Variants in ANKS1B observed in about 807,000 individuals in gnomAD.
The protein encoded by ANKS1B is ankyrin repeat and sterile alpha motif domain-containing protein 1B.
Under a neutral mutation model 148.3 loss-of-function variants are expected in ANKS1B, and 36 were observed. That is an observed-to-expected ratio of 0.24 (90% CI 0.19 to 0.32). The LOEUF (loss-of-function observed/expected upper bound fraction) is 0.32, where lower values mean the gene tolerates loss of function less well. Among genes scored for constraint, ANKS1B ranks in the 10% least tolerant of loss-of-function variants. ANKS1B has a pLI of 1.00. For synonymous variants in ANKS1B, 542 were observed against 560.8 expected (o/e 0.97, Z 0.47); for missense variants, 1,157 against 1,542.6 (o/e 0.75, Z 4.19).
intron 17 of ANKS1B, among the ~76,000 whole-genome samples, chr12:98,905,013 GC>G (rs1487973767): frequency 6.6e-6 from 1 of 152,086 alleles, no homozygotes; most frequent in Admixed American, 6.5e-5. Context: ...TAAATAATTA[GC>G]AGTTATAAGA....
chr12:98,768,447 A>AG (rs1433334072), intron 25 of ANKS1B, among the ~76,000 whole-genome samples: 1 of 150,116 alleles, frequency 6.7e-6, no homozygotes, highest in African/African-American at 2.4e-5. Context: ...AAAAAAAAAA[A>AG]AAAAAGGCCG....
At chr12:99,874,839 C>T (rs1348232433) in intron 1 of ANKS1B, among the ~76,000 whole-genome samples, 2 of 152,188 alleles carry the variant, frequency 1.3e-5, no homozygotes, top group African/African-American at 2.4e-5. Flanking sequence ...ACTTACATCA[C>T]AAGACTGGTG....
intron 8 of ANKS1B, among the ~76,000 whole-genome samples, chr12:99,703,970 T>G (rs1392470813): frequency 1.3e-5 from 2 of 152,126 alleles, no homozygotes; most frequent in East Asian, 3.9e-4. Flanking sequence ...TGTTAACATT[T>G]AAATTACAAA....
Position 98,948,947 on chromosome 12 carries a change from C to CTT in ANKS1B, c.2778+104208_2778+104209dup, listed in dbSNP as rs869145338. On this transcript the variant is annotated intron_variant, in intron 17 of 26. Transcript: ENST00000683438. The stretch of plus-strand genomic sequence containing the variant: ...AGGGGTGAGATATGAGCATGAGCTA[C>CTT]TTTTTTTTTTTTTTTTTTTTTTTGA... Among the ~76,000 whole-genome samples, 295 of 84,802 alleles carry CTT rather than the reference C, an allele frequency of 3.5e-3. 32 individuals are homozygous for CTT. Among genetic ancestry groups the CTT allele is most frequent in the African/African-American group, 0.011 (169 of 14,722 alleles). The allele number at this position is 84,802 out of a possible 152,430, so 55.6% of individuals were successfully genotyped here. A position where few individuals can be genotyped will look rare whatever the true frequency, so the allele number is the denominator to read the frequency against.
chr12:99,510,215 C>G (rs1370085661), intron 9 of ANKS1B, among the ~76,000 whole-genome samples: 1 of 151,996 alleles, frequency 6.6e-6, no homozygotes, highest in Non-Finnish European at 1.5e-5. Context: ...AGCATGTATT[C>G]TCCAGCCCAT....
At chr12:99,196,400 C>G (rs1230568488) in intron 14 of ANKS1B, among the ~76,000 whole-genome samples, 2 of 152,112 alleles carry the variant, frequency 1.3e-5, no homozygotes, top group Non-Finnish European at 2.9e-5. Context: ...GCTCCCTTGG[C>G]TTGGTAGTTC....
chr12:99,535,720 T>G (rs2097058955), intron 9 of ANKS1B, among the ~76,000 whole-genome samples: 1 of 152,036 alleles, frequency 6.6e-6, no homozygotes, highest in African/African-American at 2.4e-5. Context: ...TCACCTATTT[T>G]AAAAGCCAGT....
chr12:99,294,699 G>A (rs1212459855), intron 12 of ANKS1B, among the ~76,000 whole-genome samples: 1 of 152,030 alleles, frequency 6.6e-6, no homozygotes, highest in Non-Finnish European at 1.5e-5. Flanking sequence ...TGCTGCCGAG[G>A]CTGGAGTGCA....
intron 14 of ANKS1B, among the ~76,000 whole-genome samples, chr12:99,239,762 T>G (rs2088864786): frequency 6.6e-6 from 1 of 152,194 alleles, no homozygotes; most frequent in Non-Finnish European, 1.5e-5. Flanking sequence ...GGGCCGATAT[T>G]CAACATTCTT....
intron 22 of ANKS1B, among the ~76,000 whole-genome samples, chr12:98,793,183 C>G (rs1328662566): frequency 6.6e-6 from 1 of 152,056 alleles, no homozygotes; most frequent in African/African-American, 2.4e-5. Flanking sequence ...GTGGTTTTTG[C>G]TTTGCATTTC....
chr12:99,773,763 C>A (rs2063405405), intron 7 of ANKS1B, among the ~76,000 whole-genome samples: 1 of 152,060 alleles, frequency 6.6e-6, no homozygotes, highest in Admixed American at 6.6e-5. Context: ...ACATATTTAA[C>A]ATCAGCTGAC....
At chr12:99,181,659 T>C (rs928569755) in intron 14 of ANKS1B, among the ~76,000 whole-genome samples, 1 of 152,006 alleles carries the variant, frequency 6.6e-6, no homozygotes, top group African/African-American at 2.4e-5. Flanking sequence ...TTATTTTTTA[T>C]TTTTTTGTGG....
intron 8 of ANKS1B, among the ~76,000 whole-genome samples, chr12:99,670,610 A>ACTCT (rs1188856298): frequency 6.6e-6 from 1 of 152,170 alleles, no homozygotes; most frequent in East Asian, 1.9e-4. Flanking sequence ...CAAGGTGTAA[A>ACTCT]GACACATATC....
intron 8 of ANKS1B, among the ~76,000 whole-genome samples, chr12:99,708,127 T>C (rs902659973): frequency 6.6e-6 from 1 of 152,076 alleles, no homozygotes; most frequent in Non-Finnish European, 1.5e-5. Context: ...TTCAACTGAG[T>C]GGGACTCAAA....
chr12:99,963,154 C>G (rs1275592003), intron 1 of ANKS1B, among the ~76,000 whole-genome samples: 1 of 152,186 alleles, frequency 6.6e-6, no homozygotes, highest in Admixed American at 6.5e-5. Flanking sequence ...ACGTAAATGT[C>G]TTCTTTTGAG....
intron 9 of ANKS1B, among the ~76,000 whole-genome samples, chr12:99,510,754 T>C (rs372979316): frequency 3.9e-5 from 6 of 152,118 alleles, no homozygotes; most frequent in East Asian, 3.9e-4. Flanking sequence ...AGTTCTAGTG[T>C]GAGTAAAATG....
intron 17 of ANKS1B, among the ~76,000 whole-genome samples, chr12:98,871,701 T>TA (rs1316607505): frequency 6.6e-6 from 1 of 152,124 alleles, no homozygotes; most frequent in African/African-American, 2.4e-5. Context: ...TGTTTTTTTT[T>TA]AATTAAAAAA....
chr12:99,061,250 G>A (rs2042371540), intron 16 of ANKS1B, among the ~76,000 whole-genome samples: 1 of 152,144 alleles, frequency 6.6e-6, no homozygotes, highest in African/African-American at 2.4e-5. Flanking sequence ...GCTAAAAGAA[G>A]TTCCTCGACC....
chr12:99,017,953 T>C (rs905907684), intron 17 of ANKS1B, among the ~76,000 whole-genome samples: 3 of 152,122 alleles, frequency 2.0e-5, no homozygotes, highest in African/African-American at 7.2e-5. Flanking sequence ...AAGGAAAATG[T>C]ACAAATAGTA....
Sources: gnomAD v4.1 joint callset for allele counts (sites outside exome capture counted in the v4.1 genomes callset) on GRCh38, gnomAD v4.1.1 for gene constraint, MANE v1.5 for transcripts, NCBI Gene and HGNC (gene_info 2026-07-23, HGNC 2026-07-21) for gene names.